SH3BGRL: variants seen among roughly 807,000 people sequenced by gnomAD.
The protein encoded by SH3BGRL is adapter SH3BGRL.
A neutral mutation model predicts 9.8 loss-of-function variants in SH3BGRL; 7 were observed. The ratio of observed to expected loss-of-function variants is 0.72; its 90% CI spans 0.41 to 1.35. The LOEUF is 1.35. Ranked by LOEUF, SH3BGRL falls within the 40% of genes most tolerant of loss-of-function variation. SH3BGRL has a pLI of 0.01. For synonymous variants in SH3BGRL, 36 were observed against 29.1 expected (o/e 1.24, Z -0.76); for missense variants, 73 against 84.4 (o/e 0.86, Z 0.53).
At chrX:81,232,618 A>T (rs1383557430) in intron 1 of SH3BGRL, among the ~76,000 whole-genome samples, 2 of 109,554 alleles carry the variant, frequency 1.8e-5, no homozygotes, top group African/African-American at 6.6e-5. Flanking sequence ...TCTCTCTCTC[A>T]CTCTTGCATG....
chrX:81,228,692 G>T (rs967778541), intron 1 of SH3BGRL, among the ~76,000 whole-genome samples: 2 of 111,226 alleles, frequency 1.8e-5, no homozygotes, highest in East Asian at 5.6e-4. Flanking sequence ...ATGGCTGGGG[G>T]GCTTTGAATT....
chrX:81,217,156 A>G (rs984824341), intron 1 of SH3BGRL, among the ~76,000 whole-genome samples: 1 of 110,216 alleles, frequency 9.1e-6, no homozygotes, highest in Admixed American at 9.6e-5. Flanking sequence ...ATTTATTTGT[A>G]TCTTCTCTCT....
At chrX:81,285,715 A>G (rs984895194) in intron 3 of SH3BGRL, among the ~76,000 whole-genome samples, 1 of 111,954 alleles carries the variant, frequency 8.9e-6, no homozygotes, top group African/African-American at 3.2e-5. Flanking sequence ...GTATCTAACG[A>G]TAGCGTCAAC....
intron 3 of SH3BGRL, among the ~76,000 whole-genome samples, chrX:81,282,733 A>G (rs1015047174): frequency 2.7e-5 from 3 of 112,008 alleles, no homozygotes; most frequent in Non-Finnish European, 5.6e-5. Flanking sequence ...AGTCTGAAAG[A>G]GCACAAACAA....
intron 1 of SH3BGRL, among the ~76,000 whole-genome samples, chrX:81,253,440 A>G (rs939520810): frequency 9.0e-6 from 1 of 111,181 alleles, no homozygotes; most frequent in African/African-American, 3.3e-5. Context: ...TGCAGCCTCA[A>G]TTTCCTGGCC....
intron 1 of SH3BGRL, among the ~76,000 whole-genome samples, chrX:81,253,461 C>G (rs1182029650): frequency 9.0e-6 from 1 of 111,550 alleles, no homozygotes; most frequent in African/African-American, 3.3e-5. Flanking sequence ...TCAAGCAAAC[C>G]TCTCACCTTG....
chrX:81,214,957 C>T (rs2075576870), intron 1 of SH3BGRL, among the ~76,000 whole-genome samples: 2 of 111,373 alleles, frequency 1.8e-5, no homozygotes, highest in South Asian at 3.8e-4. Context: ...TTTCCCTTCT[C>T]GCTAATGCCA....
intron 1 of SH3BGRL, among the ~76,000 whole-genome samples, chrX:81,254,891 GTT>G (rs762259496): frequency 9.3e-5 from 9 of 96,412 alleles, no homozygotes; most frequent in African/African-American, 1.1e-4. Context: ...TCTTTCTTAA[GTT>G]TTTTTTTTTT....
intron 3 of SH3BGRL, among the ~76,000 whole-genome samples, chrX:81,280,913 C>A (rs1478493800): frequency 9.1e-6 from 1 of 110,307 alleles, no homozygotes; most frequent in Non-Finnish European, 1.9e-5. Context: ...GCAAGGAAAT[C>A]CAAAAAATGA....
chrX:81,239,017 A>G (rs1248436335), intron 1 of SH3BGRL, among the ~76,000 whole-genome samples: 1 of 111,892 alleles, frequency 8.9e-6, no homozygotes, highest in Non-Finnish European at 1.9e-5. Flanking sequence ...CACAAACCCA[A>G]TTTATTTTGA....
chrX:81,271,911 G>T (rs1378225340), intron 1 of SH3BGRL, among the ~76,000 whole-genome samples: 3 of 111,535 alleles, frequency 2.7e-5, no homozygotes, highest in East Asian at 5.6e-4. Context: ...GAAGCCAATG[G>T]TGGCTGGGCA....
At chrX:81,259,041 A>G (rs1430557117) in intron 1 of SH3BGRL, among the ~76,000 whole-genome samples, 2 of 112,621 alleles carry the variant, frequency 1.8e-5, no homozygotes, top group African/African-American at 6.4e-5. Context: ...ATTGATTATT[A>G]CTTTTCTTGT....
At position 81,263,670 on chromosome X, in the gene SH3BGRL, C is replaced by T. The variant is rs767844541; in HGVS notation, c.46-13314C>T. Among the ~76,000 whole-genome samples, 6 of 111,469 alleles carry T rather than the reference C, an allele frequency of 5.4e-5. No individual in the cohort carries two copies. The East Asian group carries it at 1.4e-3, about 26-fold the overall frequency. On this transcript the variant is annotated intron_variant, in intron 1 of 3. Coordinates refer to ENST00000373212, the MANE Select transcript of SH3BGRL (RefSeq NM_003022.3). ...ACTTTAGTCCCTTTATTGTTACTGA[C>T]TCAAAGCTTGTTTCTGCTTTCAAAA...
chrX:81,273,166 G>T (rs1294316348), intron 1 of SH3BGRL, among the ~76,000 whole-genome samples: 1 of 111,706 alleles, frequency 9.0e-6, no homozygotes, highest in Admixed American at 9.5e-5. Context: ...CCTTTCACCA[G>T]AACTATAGAT....
At position 81,239,789 on chromosome X, in the gene SH3BGRL, A is replaced by G. The variant is rs781109719; in HGVS notation, c.46-37195A>G. Among the ~76,000 whole-genome samples the G allele has an allele frequency of 6.2e-5, 7 of 112,403 alleles. No individual in the cohort carries two copies. In the South Asian group the frequency reaches 2.6e-3, roughly 41 times the overall value. On this transcript the variant is annotated intron_variant, in intron 1 of 3. Coordinates refer to ENST00000373212, the MANE Select transcript of SH3BGRL (RefSeq NM_003022.3). The stretch of plus-strand genomic sequence containing the variant: ...TAAAAGCAGCAAGAGAAAATAAATA[A>G]CATACAATGGAGCTCCAATGCATCT...
chrX:81,293,557 C>G (rs1315927465), intron 3 of SH3BGRL, among the ~76,000 whole-genome samples: 1 of 111,745 alleles, frequency 8.9e-6, no homozygotes, highest in East Asian at 2.8e-4. Flanking sequence ...GTGGCATGTG[C>G]CTGTAGTCCC....
intron 1 of SH3BGRL, among the ~76,000 whole-genome samples, chrX:81,210,705 A>G (rs917078005): frequency 8.0e-5 from 9 of 111,988 alleles, no homozygotes; most frequent in Non-Finnish European, 1.3e-4. Flanking sequence ...ACTTGATGAT[A>G]TTCACTAATT....
At chrX:81,270,490 C>G (rs1019935161) in intron 1 of SH3BGRL, among the ~76,000 whole-genome samples, 1 of 112,202 alleles carries the variant, frequency 8.9e-6, no homozygotes, top group Non-Finnish European at 1.9e-5. Flanking sequence ...CCCTCAGCTG[C>G]AGGTCTGTTG....
rs184557281 is a variant in SH3BGRL at position 81,221,426 on chromosome X, T to G, written c.45+19181T>G. Among the ~76,000 whole-genome samples the G allele has an allele frequency of 7.1e-5, 8 of 112,110 alleles. No individual in the cohort carries two copies. The East Asian group carries it at 2.3e-3, about 32-fold the overall frequency. ...TTTCAATGCTGTGGCTGCTCAATGG[T>G]TGCCTTTGGCCAACTGTATGGCAAA... On this transcript the variant is annotated intron_variant, in intron 1 of 3. Transcript: ENST00000373212.
Sources: gnomAD v4.1 joint callset for allele counts (sites outside exome capture counted in the v4.1 genomes callset) on GRCh38, gnomAD v4.1.1 for gene constraint, MANE v1.5 for transcripts, NCBI Gene and HGNC (gene_info 2026-07-23, HGNC 2026-07-21) for gene names.